Variants in ESR2 observed in about 807,000 individuals in gnomAD.
ESR2 encodes estrogen receptor 2, also known as estrogen receptor beta.
Under a neutral mutation model 49.6 loss-of-function variants are expected in ESR2, and 36 were observed. The ratio of observed to expected loss-of-function variants is 0.73; its 90% confidence interval spans 0.56 to 0.96. The LOEUF (loss-of-function observed/expected upper bound fraction) is 0.96, where lower values mean the gene tolerates loss of function less well. ESR2 is among the 40% of genes least tolerant of loss of function. ESR2 has a pLI of 0.00. For synonymous variants in ESR2, 320 were observed against 266.1 expected, an observed-to-expected ratio of 1.20 and a Z score of -1.97; for missense variants, 714 against 693.0, an observed-to-expected ratio of 1.03 and a Z score of -0.34.
chr14:64,255,193 A>T (rs1228050127), intron 6 of ESR2, among the ~76,000 whole-genome samples: 7 of 152,118 alleles, frequency 4.6e-5, no homozygotes, highest in Non-Finnish European at 1.0e-4. Flanking sequence ...AGAAATCAAG[A>T]CAAAAGATAA....
chr14:64,284,376 G>C (rs2076747884), intron 1 of ESR2, among the ~76,000 whole-genome samples: 1 of 152,016 alleles, frequency 6.6e-6, no homozygotes, highest in Non-Finnish European at 1.5e-5. Context: ...GCCTAGGCTG[G>C]AGTGCAATGG....
At chr14:64,299,564 G>A (rs184339544) in intron 1 of ESR2, among the ~76,000 whole-genome samples, 5 of 152,012 alleles carry the variant, frequency 3.3e-5, no homozygotes, top group African/African-American at 9.7e-5. Flanking sequence ...GGGTTTCACC[G>A]TGGTAGCCAG....
chr14:64,323,922 C>T (rs1475112199), intron 1 of ESR2, among the ~76,000 whole-genome samples: 1 of 152,128 alleles, frequency 6.6e-6, no homozygotes, highest in Non-Finnish European at 1.5e-5. Context: ...GAACTCCCGA[C>T]CTCAGGTGAT....
rs920688420 is a variant in ESR2 at position 64,249,490 on chromosome 14, T to C, written c.1225+56A>G. ...AACATTCTTCTTAATATCACGCTAG[T>C]TGTAGAAACAGCATCTCTCCCCGAT... On this transcript the variant is annotated intron_variant, in intron 7 of 8. Transcript: ENST00000341099. 1.1e-5 allele frequency: 17 copies of C among 1,575,718 alleles called. No homozygotes were observed. The East Asian group carries it at 2.9e-4, about 27-fold the overall frequency.
intron 7 of ESR2, among the ~76,000 whole-genome samples, chr14:64,245,653 A>G (rs1467893533): frequency 6.6e-6 from 1 of 151,800 alleles, no homozygotes; most frequent in Non-Finnish European, 1.5e-5. Flanking sequence ...CAGTTCTGTC[A>G]TGCTGCAGGG....
At chr14:64,234,825 A>C in intron 8 of ESR2, 145 bp downstream of exon 8, 1 of 1,450,564 alleles carries the variant, frequency 6.9e-7, no homozygotes, top group Non-Finnish European at 9.1e-7. Flanking sequence ...CTTTGCTTAC[A>C]GGTGTGTGAA....
chr14:64,335,560 C>T (rs79375985), intron 1 of ESR2, among the ~76,000 whole-genome samples: 1,686 of 152,262 alleles, frequency 0.011, 58 homozygotes, highest in East Asian at 0.088. Flanking sequence ...CTACTCCCAT[C>T]GTGGGGGCCC....
intron 1 of ESR2, among the ~76,000 whole-genome samples, chr14:64,310,677 G>A (rs957596072): frequency 6.6e-6 from 1 of 151,816 alleles, no homozygotes; most frequent in African/African-American, 2.4e-5. Context: ...TCATTATGTT[G>A]GCCAGGCTGG....
upstream of ESR2, among the ~76,000 whole-genome samples, chr14:64,297,098 C>A (rs760065453): frequency 5.9e-5 from 9 of 152,134 alleles, no homozygotes; most frequent in Non-Finnish European, 1.3e-4. Context: ...CCACCTCACC[C>A]CTGACCTGCC....
At chr14:64,272,445 G>A (rs767175074) in intron 3 of ESR2, among the ~76,000 whole-genome samples, 1 of 152,124 alleles carries the variant, frequency 6.6e-6, no homozygotes, top group Non-Finnish European at 1.5e-5. Context: ...GTGCTTGTGT[G>A]GTATTATTAC....
At chr14:64,259,392 G>A (rs2076166831) in intron 5 of ESR2, among the ~76,000 whole-genome samples, 1 of 152,132 alleles carries the variant, frequency 6.6e-6, no homozygotes, top group Non-Finnish European at 1.5e-5. Context: ...TGCCCTCCAG[G>A]CCATGGGAAT....
chr14:64,252,851 C>T (rs2076015778), intron 6 of ESR2, among the ~76,000 whole-genome samples: 2 of 151,952 alleles, frequency 1.3e-5, no homozygotes, highest in Admixed American at 6.6e-5. Flanking sequence ...AAATTTATTA[C>T]TTGACAATCA....
chr14:64,249,552 T>G lies in ESR2; in HGVS notation c.1219A>C (p.Asn407His). 6.2e-7 allele frequency: 1 copy of G among 1,613,474 alleles called. No homozygotes were observed. Among genetic ancestry groups the G allele is most frequent in the Non-Finnish European group, 8.5e-7 (1 of 1,179,858 alleles). ...CAGCTGTGTGATTACTTACTGGAAT[T>G]GAGCAGGATCATGGCCTTGACACAG... is the stretch of plus-strand genomic sequence containing the variant. ...YLCVKAMILL[N>H]SSMYPLVTAT... Residue 407 changes from asparagine (N) to histidine (H), a missense_variant, in exon 7 of 9, where the codon AAT becomes CAT. Coordinates refer to ENST00000341099, the MANE Select transcript of ESR2 (RefSeq NM_001437.3).
intron 2 of ESR2, among the ~76,000 whole-genome samples, chr14:64,280,675 A>G (rs960558750): frequency 5.9e-5 from 9 of 152,254 alleles, no homozygotes; most frequent in African/African-American, 2.2e-4. Flanking sequence ...TGGAGAACAA[A>G]CATCTCACAC....
chr14:64,235,621 G>A (rs546441951), intron 7 of ESR2, among the ~76,000 whole-genome samples: 5 of 152,284 alleles, frequency 3.3e-5, no homozygotes, highest in East Asian at 1.9e-4. Flanking sequence ...ACCACGTGCC[G>A]CAGCCAGCCA....
At chr14:64,312,561 C>T (rs189351366) in intron 1 of ESR2, among the ~76,000 whole-genome samples, 13 of 152,212 alleles carry the variant, frequency 8.5e-5, no homozygotes, top group Admixed American at 3.9e-4. Flanking sequence ...CTGAGAGGGG[C>T]GTCTGGCTGA....
intron 3 of ESR2, among the ~76,000 whole-genome samples, chr14:64,273,518 G>A (rs1181186232): frequency 6.6e-6 from 1 of 152,080 alleles, no homozygotes; most frequent in Non-Finnish European, 1.5e-5. Context: ...ATCATGAAGG[G>A]ATGTTGAATT....
intron 3 of ESR2, among the ~76,000 whole-genome samples, chr14:64,271,708 G>A (rs1276792452): frequency 6.6e-6 from 1 of 152,220 alleles, no homozygotes; most frequent in Non-Finnish European, 1.5e-5. Context: ...ATGACCTCCA[G>A]TTGCATCTGT....
chr14:64,317,160 G>A (rs2077265110), intron 1 of ESR2, among the ~76,000 whole-genome samples: 1 of 152,214 alleles, frequency 6.6e-6, no homozygotes, highest in Non-Finnish European at 1.5e-5. Context: ...CAGCTACTCA[G>A]GAGGCTGAGG....
Sources: gnomAD v4.1 joint callset for allele counts (sites outside exome capture counted in the v4.1 genomes callset) on GRCh38, gnomAD v4.1.1 for gene constraint, MANE v1.5 for transcripts, NCBI Gene and HGNC (gene_info 2026-07-23, HGNC 2026-07-21) for gene names.